MAPK4: variants seen among roughly 807,000 people sequenced by gnomAD.
MAPK4 encodes the protein mitogen-activated protein kinase 4, also known as Erk3-related.
MAPK4 carries 22 observed loss-of-function variants against 47.7 expected under a neutral mutation model. The observed-to-expected ratio is 0.46, with a 90% CI of 0.33 to 0.66. The LOEUF (loss-of-function observed/expected upper bound fraction) is 0.66, where lower values mean the gene tolerates loss of function less well. Among genes scored for constraint, MAPK4 ranks in the 30% least tolerant of loss-of-function variants. The pLI, the probability that MAPK4 is intolerant of heterozygous loss-of-function variation, is 0.02. For synonymous variants in MAPK4, 390 were observed against 365.7 expected, an observed-to-expected ratio of 1.07 and a Z score of -0.76; for missense variants, 736 against 831.7, an observed-to-expected ratio of 0.88 and a Z score of 1.42.
intron 1 of MAPK4, among the ~76,000 whole-genome samples, chr18:50,608,725 A>AT (rs1016625143): frequency 6.1e-4 from 92 of 150,978 alleles, no homozygotes; most frequent in African/African-American, 2.0e-3. Context: ...TTTTATTATT[A>AT]TTTTTGTTTA....
At chr18:50,688,912 A>T (rs1315052965) in intron 2 of MAPK4, among the ~76,000 whole-genome samples, 1 of 137,216 alleles carries the variant, frequency 7.3e-6, no homozygotes, top group African/African-American at 2.7e-5. Context: ...AAAAAAAAAG[A>T]AAGACAGTGC....
chr18:50,640,615 G>C (rs970660497), intron 1 of MAPK4, among the ~76,000 whole-genome samples: 1 of 151,990 alleles, frequency 6.6e-6, no homozygotes, highest in African/African-American at 2.4e-5. Context: ...ACAGGTGTGC[G>C]CCACCACGTC....
intron 1 of MAPK4, among the ~76,000 whole-genome samples, chr18:50,637,141 G>A (rs1003708033): frequency 5.9e-5 from 9 of 152,052 alleles, no homozygotes; most frequent in Non-Finnish European, 1.0e-4. Context: ...CACTGACTTT[G>A]CAAAATGAGA....
chr18:50,715,336 C>T, intron 3 of MAPK4, 113 bp downstream of exon 3: 1 of 1,279,378 alleles, frequency 7.8e-7, no homozygotes, highest in Non-Finnish European at 1.1e-6. Flanking sequence ...GCTGAAATTA[C>T]TTCTGTGGCT....
intron 1 of MAPK4, among the ~76,000 whole-genome samples, chr18:50,592,575 CT>C (rs2042446993): frequency 6.6e-6 from 1 of 152,160 alleles, no homozygotes; most frequent in African/African-American, 2.4e-5. Flanking sequence ...TTCTATCAAC[CT>C]TGTGTGACTG....
At chr18:50,655,644 C>T (rs1156786290) in intron 1 of MAPK4, among the ~76,000 whole-genome samples, 8 of 152,194 alleles carry the variant, frequency 5.3e-5, no homozygotes, top group East Asian at 1.9e-4. Flanking sequence ...CCCCTGCCGC[C>T]GCTGAGAGTG....
intron 5 of MAPK4, among the ~76,000 whole-genome samples, chr18:50,726,856 C>CAA (rs60760704): frequency 1.4e-3 from 196 of 138,100 alleles, no homozygotes; most frequent in African/African-American, 3.3e-3. Context: ...GAGACCCTGT[C>CAA]AAAAAAAAAA....
chr18:50,636,672 TATGGGAACCTTTCA>T (rs2042891782), intron 1 of MAPK4, among the ~76,000 whole-genome samples: 1 of 152,258 alleles, frequency 6.6e-6, no homozygotes, highest in Admixed American at 6.5e-5. Context: ...TTTGCTTTTC[TATGGGAACCTTTCA>T]ATGTTTCCTA....
At chr18:50,682,377 G>A (rs1016926754) in intron 2 of MAPK4, among the ~76,000 whole-genome samples, 4 of 152,078 alleles carry the variant, frequency 2.6e-5, no homozygotes, top group Admixed American at 1.3e-4. Flanking sequence ...CGCTATTTAG[G>A]AAATAAATAA....
chr18:50,616,134 A>G (rs1436584231), intron 1 of MAPK4, among the ~76,000 whole-genome samples: 1 of 152,134 alleles, frequency 6.6e-6, no homozygotes, highest in East Asian at 1.9e-4. Flanking sequence ...CTCCATTTTG[A>G]TTGGGTATAT....
chr18:50,693,377 G>A (rs776160957), intron 2 of MAPK4, among the ~76,000 whole-genome samples: 13 of 152,214 alleles, frequency 8.5e-5, no homozygotes, highest in East Asian at 3.9e-4. Context: ...AATCCGCAGC[G>A]GACTACGAGC....
intron 2 of MAPK4, among the ~76,000 whole-genome samples, chr18:50,686,844 G>A (rs1049150120): frequency 2.0e-5 from 3 of 152,212 alleles, no homozygotes; most frequent in African/African-American, 4.8e-5. Context: ...GTGAGACCAA[G>A]GAGGCAAGAG....
chr18:50,613,121 C>G (rs1012324073), intron 1 of MAPK4, among the ~76,000 whole-genome samples: 1 of 152,178 alleles, frequency 6.6e-6, no homozygotes, highest in East Asian at 1.9e-4. Context: ...TAGTAGCCCC[C>G]CTGTATAATC....
intron 1 of MAPK4, among the ~76,000 whole-genome samples, chr18:50,591,189 T>C (rs2042434095): frequency 1.3e-5 from 2 of 152,212 alleles, no homozygotes; most frequent in Non-Finnish European, 2.9e-5. Flanking sequence ...GTCTCTAACT[T>C]AGTAAATTAT....
intron 1 of MAPK4, among the ~76,000 whole-genome samples, chr18:50,593,306 G>A (rs1452393129): frequency 2.6e-5 from 4 of 152,086 alleles, no homozygotes; most frequent in South Asian, 4.2e-4. Context: ...TCTTCCCATC[G>A]TCTTTCCATC....
At chr18:50,617,304 A>G (rs371275472) in intron 1 of MAPK4, among the ~76,000 whole-genome samples, 1 of 152,206 alleles carries the variant, frequency 6.6e-6, no homozygotes, top group Non-Finnish European at 1.5e-5. Flanking sequence ...TTAACAGAGG[A>G]AACAAAATTA....
intron 3 of MAPK4, among the ~76,000 whole-genome samples, chr18:50,718,328 C>G (rs915007850): frequency 6.6e-6 from 1 of 152,252 alleles, no homozygotes; most frequent in Non-Finnish European, 1.5e-5. Context: ...AAGCGATTCT[C>G]ATGTCTCAGC....
chr18:50,628,915 G>A (rs774195057), intron 1 of MAPK4, among the ~76,000 whole-genome samples: 6 of 152,170 alleles, frequency 3.9e-5, no homozygotes, highest in Non-Finnish European at 7.4e-5. Flanking sequence ...GTGATTTGTC[G>A]ATTTTTCATT....
chr18:50,710,746 C>T lies in MAPK4; in HGVS notation c.547-4333C>T, dbSNP rs1156738753. Among the ~76,000 whole-genome samples the T allele has an allele frequency of 2.0e-5, 3 of 151,732 alleles. No individual in the cohort carries two copies. The South Asian group carries it at 6.2e-4, about 32-fold the overall frequency. The stretch of plus-strand genomic sequence containing the variant: ...AGTGAGCAGAGATAGCGCCACTGCA[C>T]GCCAGCCTGGGTGACAGAGTGAGAC... On this transcript the variant is annotated intron_variant, in intron 2 of 5. Coordinates refer to ENST00000400384, the MANE Select transcript of MAPK4 (RefSeq NM_002747.4).
Sources: gnomAD v4.1 joint callset for allele counts (sites outside exome capture counted in the v4.1 genomes callset) on GRCh38, gnomAD v4.1.1 for gene constraint, MANE v1.5 for transcripts, NCBI Gene and HGNC (gene_info 2026-07-23, HGNC 2026-07-21) for gene names.